CSGALNACT1: variants seen among roughly 807,000 people sequenced by gnomAD.
CSGALNACT1 encodes chondroitin sulfate N-acetylgalactosaminyltransferase 1.
CSGALNACT1 carries 52 observed loss-of-function variants against 51.0 expected under a neutral mutation model. The ratio of observed to expected loss-of-function variants is 1.02; its 90% confidence interval spans 0.82 to 1.29. The LOEUF is 1.29. Among genes scored for constraint, CSGALNACT1 ranks in the 50% most tolerant of loss-of-function variants. The pLI is 0.00. For synonymous variants in CSGALNACT1, 341 were observed against 254.4 expected (o/e 1.34, Z -3.24); for missense variants, 935 against 679.2 (o/e 1.38, Z -4.19).
chr8:19,620,328 A>G (rs972237180), intron 1 of CSGALNACT1, among the ~76,000 whole-genome samples: 6 of 151,714 alleles, frequency 4.0e-5, no homozygotes, highest in African/African-American at 9.7e-5. Flanking sequence ...AAAAAAAAAA[A>G]AAAAAAAAAA....
intron 3 of CSGALNACT1, among the ~76,000 whole-genome samples, chr8:19,523,991 T>C (rs145263466): frequency 5.3e-5 from 8 of 152,288 alleles, no homozygotes; most frequent in African/African-American, 1.7e-4. Context: ...CAAATCATCA[T>C]GGATATAAAA....
chr8:19,480,553 T>C (rs1322662956), intron 4 of CSGALNACT1, among the ~76,000 whole-genome samples: 1 of 152,176 alleles, frequency 6.6e-6, no homozygotes, highest in Non-Finnish European at 1.5e-5. Flanking sequence ...GTCTTCGCTG[T>C]TGTGAGTAGT....
At chr8:19,746,702 T>C (rs1450712494) in intron 1 of CSGALNACT1, among the ~76,000 whole-genome samples, 1 of 152,210 alleles carries the variant, frequency 6.6e-6, no homozygotes, top group Non-Finnish European at 1.5e-5. Flanking sequence ...CAACATGTTA[T>C]TGACAAGATT....
intron 3 of CSGALNACT1, among the ~76,000 whole-genome samples, chr8:19,529,332 G>A (rs2082299920): frequency 6.6e-6 from 1 of 152,154 alleles, no homozygotes; most frequent in Non-Finnish European, 1.5e-5. Context: ...GTGTATCAGG[G>A]AGAAGACCAG....
At chr8:19,724,421 C>A (rs571460048) in intron 1 of CSGALNACT1, among the ~76,000 whole-genome samples, 1 of 152,336 alleles carries the variant, frequency 6.6e-6, no homozygotes, top group South Asian at 2.1e-4. Context: ...CCAGCAATGG[C>A]TGGCTGAGTT....
intron 3 of CSGALNACT1, among the ~76,000 whole-genome samples, chr8:19,536,463 G>C (rs753652890): frequency 3.9e-5 from 6 of 151,988 alleles, no homozygotes; most frequent in Non-Finnish European, 7.4e-5. Flanking sequence ...AATCTAACAA[G>C]ATATGTACAT....
At chr8:19,536,228 T>C (rs1210426341) in intron 3 of CSGALNACT1, among the ~76,000 whole-genome samples, 1 of 152,126 alleles carries the variant, frequency 6.6e-6, no homozygotes. Flanking sequence ...AATATATCAC[T>C]CTGGTTGGGA....
intron 3 of CSGALNACT1, among the ~76,000 whole-genome samples, chr8:19,506,387 A>G (rs541565617): frequency 5.9e-5 from 9 of 152,236 alleles, no homozygotes; most frequent in East Asian, 1.9e-4. Flanking sequence ...CTCCAGATGG[A>G]AAGATTAAGA....
chr8:19,469,428 C>T (rs1442228238), intron 4 of CSGALNACT1, among the ~76,000 whole-genome samples: 1 of 151,922 alleles, frequency 6.6e-6, no homozygotes, highest in Non-Finnish European at 1.5e-5. Flanking sequence ...AAGAAATAGC[C>T]CTCTGGATGG....
intron 1 of CSGALNACT1, among the ~76,000 whole-genome samples, chr8:19,648,118 ATAT>A (rs1353732500): frequency 6.6e-6 from 1 of 152,218 alleles, no homozygotes; most frequent in African/African-American, 2.4e-5. Flanking sequence ...AATGTGTTAC[ATAT>A]TATACAGTTC....
At chr8:19,462,511 T>C (rs1049501230) in intron 4 of CSGALNACT1, among the ~76,000 whole-genome samples, 1 of 152,206 alleles carries the variant, frequency 6.6e-6, no homozygotes, top group African/African-American at 2.4e-5. Context: ...TAAATCTTAT[T>C]CATAACAACT....
At chr8:19,607,119 C>G (rs1472709308), upstream of CSGALNACT1, among the ~76,000 whole-genome samples, 3 of 151,196 alleles carry the variant, frequency 2.0e-5, no homozygotes, top group African/African-American at 7.3e-5. Context: ...CGCGCCACGG[C>G]ACTCCAGCCT....
chr8:19,728,016 C>T (rs575332777), intron 1 of CSGALNACT1, among the ~76,000 whole-genome samples: 11 of 152,256 alleles, frequency 7.2e-5, no homozygotes, highest in East Asian at 1.9e-4. Context: ...GAGTTCTACG[C>T]GCGATGCTCT....
chr8:19,516,552 G>C (rs1322261945), intron 3 of CSGALNACT1, among the ~76,000 whole-genome samples: 1 of 152,146 alleles, frequency 6.6e-6, no homozygotes, highest in Non-Finnish European at 1.5e-5. Flanking sequence ...GCCGTGATCT[G>C]CATTTACACA....
chr8:19,590,921 G>C (rs1015372103), intron 3 of CSGALNACT1, among the ~76,000 whole-genome samples: 1 of 152,016 alleles, frequency 6.6e-6, no homozygotes, highest in African/African-American at 2.4e-5. Context: ...AAAGTGCTAG[G>C]ATTAAAGGTG....
chr8:19,608,028 T>C (rs1489075876), intron 1 of CSGALNACT1, among the ~76,000 whole-genome samples: 4 of 152,228 alleles, frequency 2.6e-5, no homozygotes, highest in Non-Finnish European at 4.4e-5. Flanking sequence ...AGTATAAAGA[T>C]TTCAGCAGGC....
chr8:19,654,031 C>T (rs2058055402), intron 1 of CSGALNACT1, among the ~76,000 whole-genome samples: 1 of 152,080 alleles, frequency 6.6e-6, no homozygotes, highest in South Asian at 2.1e-4. Context: ...CCTGAAAGTC[C>T]AAAGCTGATC....
intron 9 of CSGALNACT1, among the ~76,000 whole-genome samples, chr8:19,406,797 C>T (rs2054290596): frequency 6.6e-6 from 1 of 152,134 alleles, no homozygotes; most frequent in Admixed American, 6.5e-5. Flanking sequence ...CAATCTCCAC[C>T]TACTGGGTTC....
rs2154256026 is a variant in CSGALNACT1 at position 19,757,482 on chromosome 8, TCCCTGCG to T, written c.-297+361_-297+367del. On this transcript the variant is annotated intron_variant, in intron 1 of 1. Coordinates refer to the CSGALNACT1 transcript ENST00000517494. The surrounding 1 kb of genome is among the most constrained non-coding windows in gnomAD (Gnocchi z 4.0). ...TCACCCACGGCCTCTCTGCAGTGCG[TCCCTGCG>T]CCCGTCGGAGCGGCGCCCTGGCCGA... 6.6e-6 allele frequency among the ~76,000 whole-genome samples: 1 copy of T among 152,102 alleles called. No homozygotes were observed. The highest frequency in any genetic ancestry group is 1.5e-5 in the Non-Finnish European group (1 of 67,968).
Sources: allele counts gnomAD v4.1 joint callset (sites outside exome capture counted in the v4.1 genomes callset), GRCh38; gene constraint gnomAD v4.1.1; non-coding constraint Gnocchi (gnomAD v3.1); transcripts MANE v1.5; gene names NCBI Gene and HGNC (gene_info 2026-07-23, HGNC 2026-07-21).